MTUS2: variants seen among roughly 807,000 people sequenced by gnomAD.
The protein encoded by MTUS2 is microtubule-associated tumor suppressor candidate 2.
A neutral mutation model predicts 114.1 loss-of-function variants in MTUS2; 40 were observed. The observed-to-expected ratio is 0.35, with a 90% CI of 0.27 to 0.46. The LOEUF (loss-of-function observed/expected upper bound fraction) is 0.46. Ranked by LOEUF, MTUS2 falls within the 20% of genes least tolerant of loss-of-function variation. The probability of loss-of-function intolerance (pLI) is 1.00; values close to 1 mark genes in which losing one functional copy is unlikely to be tolerated. For missense variants in MTUS2, 1,679 were observed against 1,705.4 expected, an observed-to-expected ratio of 0.98 and a Z score of 0.27; for synonymous variants, 688 against 672.0, an observed-to-expected ratio of 1.02 and a Z score of -0.37.
intron 2 of MTUS2, among the ~76,000 whole-genome samples, chr13:28,988,058 G>A (rs957848689): frequency 6.6e-6 from 1 of 152,160 alleles, no homozygotes; most frequent in African/African-American, 2.4e-5. Context: ...TAGCAGAATT[G>A]TTTAAAATGA....
At chr13:29,129,896 A>G (rs1454697786) in intron 5 of MTUS2, among the ~76,000 whole-genome samples, 1 of 152,142 alleles carries the variant, frequency 6.6e-6, no homozygotes, top group Non-Finnish European at 1.5e-5. Context: ...CATTAAGGTC[A>G]GAACATTGAG....
At chr13:29,189,727 G>A (rs1894370032) in intron 5 of MTUS2, among the ~76,000 whole-genome samples, 1 of 152,122 alleles carries the variant, frequency 6.6e-6, no homozygotes, top group African/African-American at 2.4e-5. Context: ...CACAGCTGAG[G>A]TGGACTTTAA....
At chr13:29,433,001 A>G (rs968268370) in intron 8 of MTUS2, among the ~76,000 whole-genome samples, 3 of 152,250 alleles carry the variant, frequency 2.0e-5, no homozygotes, top group African/African-American at 7.2e-5. Context: ...CTTAAGTGAT[A>G]CACAAATGGA....
chr13:29,241,887 G>C (rs997952294), intron 5 of MTUS2, among the ~76,000 whole-genome samples: 6 of 152,134 alleles, frequency 3.9e-5, no homozygotes, highest in Admixed American at 2.6e-4. Context: ...CAGGGGAGCT[G>C]TGGTTCTGAG....
intron 9 of MTUS2, among the ~76,000 whole-genome samples, chr13:29,441,416 T>G (rs920014896): frequency 6.6e-6 from 1 of 152,344 alleles, no homozygotes; most frequent in East Asian, 1.9e-4. Context: ...TTGTTGTTTT[T>G]ATGGAGATTG....
At chr13:29,079,245 A>G (rs1320106665) in intron 4 of MTUS2, among the ~76,000 whole-genome samples, 2 of 152,070 alleles carry the variant, frequency 1.3e-5, no homozygotes, top group Non-Finnish European at 2.9e-5. Context: ...TACCTATTCA[A>G]TTTATTTGCT....
intron 2 of MTUS2, among the ~76,000 whole-genome samples, chr13:28,903,420 C>G (rs12861336): frequency 8.6e-6 from 1 of 116,848 alleles, no homozygotes; most frequent in Non-Finnish European, 1.7e-5. Context: ...CCCCTCCCCC[C>G]ACCCCACAAC....
intron 2 of MTUS2, among the ~76,000 whole-genome samples, chr13:28,881,991 G>A (rs1258673406): frequency 1.3e-5 from 2 of 152,166 alleles, no homozygotes; most frequent in African/African-American, 4.8e-5. Context: ...ATGGTGCTAG[G>A]ACAATAGGAT....
intron 8 of MTUS2, among the ~76,000 whole-genome samples, chr13:29,404,176 C>CAAAAA (rs33920912): frequency 7.8e-6 from 1 of 127,804 alleles, no homozygotes. Flanking sequence ...TCCATCTCTA[C>CAAAAA]AAAAAAAAAA....
chr13:29,246,277 T>A (rs1248104820), intron 5 of MTUS2, among the ~76,000 whole-genome samples: 13 of 152,112 alleles, frequency 8.5e-5, no homozygotes. Context: ...GCAAGAACAC[T>A]AGGGAAGGAA....
intron 4 of MTUS2, among the ~76,000 whole-genome samples, chr13:29,086,345 C>G (rs1199372167): frequency 6.6e-6 from 1 of 152,112 alleles, no homozygotes; most frequent in South Asian, 2.1e-4. Context: ...ATCATGAAAT[C>G]TTTGCCAAGG....
intron 2 of MTUS2, among the ~76,000 whole-genome samples, chr13:28,911,328 A>T (rs1566217445): frequency 6.6e-6 from 1 of 150,824 alleles, no homozygotes; most frequent in Non-Finnish European, 1.5e-5. Flanking sequence ...GGCACGTACC[A>T]CCATGCCCAG....
At chr13:29,473,123 CTAT>C (rs1232415989) in intron 9 of MTUS2, among the ~76,000 whole-genome samples, 1 of 151,634 alleles carries the variant, frequency 6.6e-6, no homozygotes, top group Non-Finnish European at 1.5e-5. Flanking sequence ...ATAATATATA[CTAT>C]ATGTGTGTAT....
intron 4 of MTUS2, among the ~76,000 whole-genome samples, chr13:29,077,655 A>G (rs1889254635): frequency 6.6e-6 from 1 of 152,208 alleles, no homozygotes; most frequent in Non-Finnish European, 1.5e-5. Flanking sequence ...CAGCCCTGGT[A>G]GGGACTACTC....
chr13:29,256,158 A>C (rs1897277799), intron 5 of MTUS2, among the ~76,000 whole-genome samples: 1 of 152,226 alleles, frequency 6.6e-6, no homozygotes, highest in Non-Finnish European at 1.5e-5. Flanking sequence ...ATGATAAATC[A>C]GACATGAAAA....
At chr13:28,839,450 A>G (rs1045939241) in intron 1 of MTUS2, among the ~76,000 whole-genome samples, 2 of 152,162 alleles carry the variant, frequency 1.3e-5, no homozygotes, top group Non-Finnish European at 2.9e-5. Flanking sequence ...TACTTCATTT[A>G]TATGGTTTAT....
At chr13:28,847,391 G>T (rs1593242519) in intron 2 of MTUS2, among the ~76,000 whole-genome samples, 1 of 152,130 alleles carries the variant, frequency 6.6e-6, no homozygotes, top group South Asian at 2.1e-4. Flanking sequence ...GGATTTCTCA[G>T]TGCAAAGGAA....
intron 4 of MTUS2, among the ~76,000 whole-genome samples, chr13:29,096,209 T>C (rs1887752): frequency 0.67 from 102,210 of 152,074 alleles, 35,060 homozygotes; most frequent in Non-Finnish European, 0.74. Flanking sequence ...TCACTAATGT[T>C]GCTCCACAGA....
intron 2 of MTUS2, among the ~76,000 whole-genome samples, chr13:28,876,837 C>T (rs918065838): frequency 2.0e-5 from 3 of 152,132 alleles, no homozygotes; most frequent in African/African-American, 7.2e-5. Flanking sequence ...TTATGTCCCC[C>T]ATACTTAGAA....
Sources: gnomAD v4.1 joint callset for allele counts (sites outside exome capture counted in the v4.1 genomes callset) on GRCh38, gnomAD v4.1.1 for gene constraint, MANE v1.5 for transcripts, NCBI Gene and HGNC (gene_info 2026-07-23, HGNC 2026-07-21) for gene names.